Variants in ESS2 observed in about 807,000 individuals in gnomAD.
ESS2 encodes splicing factor ESS-2 homolog.
ESS2 carries 31 observed loss-of-function variants against 52.0 expected under a neutral mutation model. The ratio of observed to expected loss-of-function variants is 0.60; its 90% CI spans 0.45 to 0.81. The LOEUF (loss-of-function observed/expected upper bound fraction) is 0.81, where lower values mean the gene tolerates loss of function less well. Among genes scored for constraint, ESS2 ranks in the 30% least tolerant of loss-of-function variants. The pLI is 0.00. For missense variants in ESS2, 602 were observed against 637.2 expected, an observed-to-expected ratio of 0.94 and a Z score of 0.59; for synonymous variants, 285 against 259.2, an observed-to-expected ratio of 1.10 and a Z score of -0.95.
At position 19,135,192 on chromosome 22, in the gene ESS2, G is replaced by A. The variant is rs1338778089; in HGVS notation, c.1036-17C>T. 3.1e-6 allele frequency: 5 copies of A among 1,602,084 alleles called. No homozygotes were observed. Among genetic ancestry groups the A allele is most frequent in the African/African-American group, 2.7e-5 (2 of 74,816 alleles). On this transcript the variant is annotated splice_polypyrimidine_tract_variant and intron_variant, in intron 8 of 9. Coordinates refer to ENST00000252137, the MANE Select transcript of ESS2 (RefSeq NM_022719.3). ...CTCCAGGATCTACAAGGTAGCAGGT[G>A]TGTGGGTAGCTGCGCCAGGCCTGCC...
chr22:19,138,368 C>A, intron 6 of ESS2, 51 bp from the exon 7 acceptor site: 1 of 1,550,074 alleles, frequency 6.5e-7, no homozygotes. Flanking sequence ...CCACGCTCGA[C>A]AGCTGGCCGG....
In ESS2 at chr22:19,131,520, A is replaced by G. The variant is rs905524835; in HGVS notation, c.*2676T>C. On this transcript the variant is annotated 3_prime_UTR_variant, in exon 10 of 10. Coordinates refer to ENST00000252137, the MANE Select transcript of ESS2 (RefSeq NM_022719.3). The surrounding 1 kb of genome is among the most constrained non-coding windows in gnomAD (Gnocchi z 5.7). ...GCGCCTCAAGTTCAATGTGGCTGTC[A>G]AGATCATCGACCGCAAGAAAACACC... The G allele has an allele frequency of 1.9e-6, 3 of 1,614,060 alleles. No homozygotes were observed. The highest frequency in any genetic ancestry group is 2.7e-5 in the African/African-American group (2 of 74,940).
At chr22:19,136,443 C>T (rs568058580) in intron 8 of ESS2, among the ~76,000 whole-genome samples, 1 of 152,290 alleles carries the variant, frequency 6.6e-6, no homozygotes, top group East Asian at 1.9e-4. Flanking sequence ...ACCTTTTCAC[C>T]TTTCCACAAT....
At position 19,133,412 on chromosome 22, in the gene ESS2, C is replaced by T. The variant is rs1186009689; in HGVS notation, c.*784G>A. ...CCAGCCTGATCTGTCCAGCAACCCACTGTTATCTGGGAGCTCCTGTTGGTG... is the reference window on the plus strand; with the variant it reads ...CCAGCCTGATCTGTCCAGCAACCCATTGTTATCTGGGAGCTCCTGTTGGTG... On this transcript the variant is annotated 3_prime_UTR_variant, in exon 10 of 10. Coordinates refer to ENST00000252137, the MANE Select transcript of ESS2 (RefSeq NM_022719.3). The T allele has an allele frequency of 6.5e-6, 1 of 152,980 alleles. No individual in the cohort carries two copies. The highest frequency in any genetic ancestry group is 1.5e-5 in the Non-Finnish European group (1 of 68,644). 9.5% of individuals were successfully genotyped at this position (152,980 alleles called of 1,614,324 possible). A position where few individuals can be genotyped will look rare whatever the true frequency, so the allele number is the denominator to read the frequency against.
At chr22:19,138,544 C>T (rs982040039) in intron 6 of ESS2, 2 of 652,726 alleles carry the variant, frequency 3.1e-6, no homozygotes, top group Non-Finnish European at 5.6e-6. Flanking sequence ...AGGAAAGCCC[C>T]CTCCTCCCAT....
rs1569102171 is a variant in ESS2, at chr22:19,131,365, T to C, written c.*2831A>G. Reference sequence around the variant, plus strand: ...CCTGCTGGCCCACATGACGGGGGGATGTAGACGGCAGCGGCGCCAGTCGCT... The same window carrying C: ...CCTGCTGGCCCACATGACGGGGGGACGTAGACGGCAGCGGCGCCAGTCGCT... On this transcript the variant is annotated 3_prime_UTR_variant, in exon 10 of 10. Transcript: ENST00000252137. The surrounding 1 kb of genome is among the most constrained non-coding windows in gnomAD (Gnocchi z 5.7). 3 of 1,538,590 alleles carry C rather than the reference T, an allele frequency of 1.9e-6. No individual in the cohort carries two copies. Among genetic ancestry groups the C allele is most frequent in the Non-Finnish European group, 2.6e-6 (3 of 1,133,522 alleles).
At chr22:19,136,610 G>A (rs2083586555) in intron 8 of ESS2, among the ~76,000 whole-genome samples, 2 of 152,088 alleles carry the variant, frequency 1.3e-5, no homozygotes, top group South Asian at 2.1e-4. Flanking sequence ...CTGGAGACTC[G>A]GGAAGCAGTG....
At chr22:19,138,494 C>A in intron 6 of ESS2, 177 bp from the exon 7 acceptor site, 1 of 729,284 alleles carries the variant, frequency 1.4e-6, no homozygotes, top group Non-Finnish European at 2.5e-6. Context: ...CCCAACCCCC[C>A]AAAAGACCTT....
rs2083498210 is a variant in ESS2, at chr22:19,130,660, G to C, written c.*3536C>G. The C allele has an allele frequency of 7.0e-5, 21 of 301,952 alleles. No homozygotes were observed. Among genetic ancestry groups the C allele is most frequent in the South Asian group, 6.5e-4 (21 of 32,242 alleles). The allele number at this position is 301,952 out of a possible 1,614,324, so 18.7% of individuals were successfully genotyped here. A position where few individuals can be genotyped will look rare whatever the true frequency, so the allele number is the denominator to read the frequency against. On this transcript the variant is annotated 3_prime_UTR_variant, in exon 10 of 10. Coordinates refer to ENST00000252137, the MANE Select transcript of ESS2 (RefSeq NM_022719.3). ...TTGTCTTCAGATTTTGTCGACCCGA[G>C]ATGGGTCCTGGCACTAGGAATGTAA...
chr22:19,132,136 A>T lies in ESS2; in HGVS notation c.*2060T>A. On this transcript the variant is annotated 3_prime_UTR_variant, in exon 10 of 10. Coordinates refer to ENST00000252137, the MANE Select transcript of ESS2 (RefSeq NM_022719.3). The surrounding 1 kb of genome is among the most constrained non-coding windows in gnomAD (Gnocchi z 4.2). ...TCCAAGAACCTGACCTGCGAGTGCA[A>T]GGACCTCATCTACCGCATGCTGCAG... 1.2e-6 allele frequency: 2 copies of T among 1,613,050 alleles called. No individual in the cohort carries two copies. The highest frequency in any genetic ancestry group is 1.1e-5 in the South Asian group (1 of 91,060).
At position 19,134,054 on chromosome 22, in the gene ESS2, A is replaced by G; in HGVS notation, c.*142T>C. 9.6e-7 allele frequency: 1 copy of G among 1,045,586 alleles called. No individual in the cohort carries two copies. Among genetic ancestry groups the G allele is most frequent in the East Asian group, 3.2e-5 (1 of 31,390 alleles). 64.8% of individuals were successfully genotyped at this position (1,045,586 alleles called of 1,614,324 possible). On this transcript the variant is annotated 3_prime_UTR_variant, in exon 10 of 10. Transcript: ENST00000252137. ...CCTTGTGCCAGTCTGGCCCCAGCAC[A>G]GCCCCTTTCTCCAGTGACTCCTGGT...
chr22:19,140,124 G>A (rs2083660365), intron 3 of ESS2, 100 bp from the exon 4 acceptor site: 3 of 1,411,574 alleles, frequency 2.1e-6, no homozygotes, highest in Admixed American at 1.8e-5. Context: ...ATGCAGGGCT[G>A]GAATCCTCTC....
rs1049225906 is a variant in ESS2 at position 19,131,260 on chromosome 22, CT to C, written c.*2935del. 5 of 684,892 alleles carry C rather than the reference CT, an allele frequency of 7.3e-6. No individual in the cohort carries two copies. The highest frequency in any genetic ancestry group is 5.4e-5 in the African/African-American group (3 of 55,574). The allele number at this position is 684,892 out of a possible 1,614,324, so 42.4% of individuals were successfully genotyped here. On this transcript the variant is annotated 3_prime_UTR_variant, in exon 10 of 10. Coordinates refer to ENST00000252137, the MANE Select transcript of ESS2 (RefSeq NM_022719.3). The surrounding 1 kb of genome is among the most constrained non-coding windows in gnomAD (Gnocchi z 5.7). Reference sequence around the variant, plus strand: ...TGGCTGAAGTCACCCGGAGACAATGCTGAGTGTTCCACCCCTGAGTCGAAGC... The same window carrying C: ...TGGCTGAAGTCACCCGGAGACAATGCGAGTGTTCCACCCCTGAGTCGAAGC...
intron 8 of ESS2, 46 bp from the exon 9 acceptor site, chr22:19,135,221 C>A: frequency 6.1e-6 from 9 of 1,487,448 alleles, no homozygotes; most frequent in Non-Finnish European, 8.4e-6. Context: ...GCCTGCCACA[C>A]GCCAGGCAGC....
chr22:19,139,195 C>A lies in ESS2; in HGVS notation c.786G>T (p.Arg262Ser). 1 of 1,605,972 alleles carries A rather than the reference C, an allele frequency of 6.2e-7. No individual in the cohort carries two copies. Residue 262 changes from arginine to serine, a missense_variant, in exon 6 of 10, where the codon AGG (arginine) becomes AGT (serine). Transcript: ENST00000252137. ...GGGCGGCTGCCTGCTGGAGCTGGCACCTGCTCAGGGCTTGGCTGAAGGGGT... is the reference window on the plus strand; with the variant it reads ...GGGCGGCTGCCTGCTGGAGCTGGCAACTGCTCAGGGCTTGGCTGAAGGGGT... ...LRDPFSQALS[R>S]CQLQQAAALN...
At chr22:19,140,797 G>A (rs1040533975) in intron 3 of ESS2, among the ~76,000 whole-genome samples, 2 of 152,226 alleles carry the variant, frequency 1.3e-5, no homozygotes, top group Non-Finnish European at 2.9e-5. Flanking sequence ...CACGGGATGA[G>A]GACAGGGGTC....
At chr22:19,134,953 C>T (rs956563360) in intron 9 of ESS2, 107 bp downstream of exon 9, 3 of 1,089,880 alleles carry the variant, frequency 2.8e-6, no homozygotes, top group Non-Finnish European at 4.1e-6. Context: ...CGGACCTGCC[C>T]TGGACTCTGC....
chr22:19,137,425 G>T lies in ESS2; in HGVS notation c.933C>A (p.Asn311Lys). Residue 311 changes from asparagine to lysine, a missense_variant, in exon 8 of 10, where the codon AAC (asparagine) becomes AAA (lysine). By Grantham distance (94) the Asn-to-Lys change is moderately conservative (BLOSUM62 0). Coordinates refer to ENST00000252137, the MANE Select transcript of ESS2 (RefSeq NM_022719.3). ...VATPSPAPGV[N>K]ESPMMTWGEV... is the part of the protein sequence containing the mutation. ...CCCCCCAGGTCATCATCGGGGACTC[G>T]TTCACACCTGCAGACAAAGAGCCCA... 1.4e-5 allele frequency: 22 copies of T among 1,611,764 alleles called. No homozygotes were observed. Among genetic ancestry groups the T allele is most frequent in the Non-Finnish European group, 1.9e-5 (22 of 1,178,754 alleles).
chr22:19,134,417 T>C lies in ESS2; in HGVS notation c.1210A>G (p.Arg404Gly). 6.2e-7 allele frequency: 1 copy of C among 1,606,786 alleles called. No individual in the cohort carries two copies. Among genetic ancestry groups the C allele is most frequent in the Non-Finnish European group, 8.5e-7 (1 of 1,176,408 alleles). ...CGGTCTGTGTACTTGCTGGCCGTCC[T>C]GCTCACAAGGCGCTGTAGGGCTGGC... ...MSPALQRLVS[R>G]TASKYTDRAL... is the part of the protein sequence containing the mutation. Residue 404 changes from arginine (R) to glycine (G), a missense_variant, in exon 10 of 10, where the codon AGG (arginine) becomes GGG (glycine). Transcript: ENST00000252137.
Sources: gnomAD v4.1 joint callset for allele counts (sites outside exome capture counted in the v4.1 genomes callset) on GRCh38, gnomAD v4.1.1 for gene constraint, Gnocchi (gnomAD v3.1) non-coding constraint, MANE v1.5 for transcripts, NCBI Gene and HGNC (gene_info 2026-07-23, HGNC 2026-07-21) for gene names.